The following UBAC2 variants were observed in gnomAD, a reference collection of about 807,000 sequenced individuals.
The protein encoded by UBAC2 is ubiquitin-associated domain-containing protein 2.
Under a neutral mutation model 44.0 loss-of-function variants are expected in UBAC2, and 26 were observed. The ratio of observed to expected loss-of-function variants is 0.59; its 90% CI spans 0.43 to 0.82. The LOEUF (loss-of-function observed/expected upper bound fraction) is 0.82. Among genes scored for constraint, UBAC2 ranks in the 40% least tolerant of loss-of-function variants. UBAC2 has a pLI of 0.00. For synonymous variants in UBAC2, 155 were observed against 154.3 expected (o/e 1.00, Z -0.04); for missense variants, 329 against 419.4 (o/e 0.78, Z 1.88).
intron 1 of UBAC2, among the ~76,000 whole-genome samples, chr13:99,216,078 ATATTTGTGTG>A (rs2042991109): frequency 1.2e-5 from 1 of 86,260 alleles, no homozygotes; most frequent in Admixed American, 1.3e-4. Context: ...GTACCAACCT[ATATTTGTGTG>A]TGTGTGTGTG....
intron 8 of UBAC2, among the ~76,000 whole-genome samples, chr13:99,384,201 C>T (rs2045588851): frequency 1.3e-5 from 2 of 152,128 alleles, no homozygotes; most frequent in Admixed American, 6.5e-5. Context: ...AAATTGGAAA[C>T]TCTGACTAAG....
intron 4 of UBAC2, among the ~76,000 whole-genome samples, chr13:99,301,883 G>A (rs1428802838): frequency 1.3e-5 from 2 of 152,162 alleles, no homozygotes; most frequent in Non-Finnish European, 2.9e-5. Flanking sequence ...GGTTTTTGCT[G>A]AAATGTCACC....
At chr13:99,335,833 C>T (rs1193783717) in intron 6 of UBAC2, among the ~76,000 whole-genome samples, 1 of 152,188 alleles carries the variant, frequency 6.6e-6, no homozygotes, top group Non-Finnish European at 1.5e-5. Flanking sequence ...GCCATAGCTT[C>T]ACCTTCCCTC....
intron 1 of UBAC2, among the ~76,000 whole-genome samples, chr13:99,236,544 A>G (rs772012318): frequency 4.6e-5 from 7 of 152,216 alleles, no homozygotes; most frequent in Non-Finnish European, 8.8e-5. Flanking sequence ...GCTTTTATCA[A>G]AAAGACAGGA....
intron 7 of UBAC2, among the ~76,000 whole-genome samples, chr13:99,349,851 A>C (rs1256926390): frequency 6.6e-6 from 1 of 152,170 alleles, no homozygotes; most frequent in Non-Finnish European, 1.5e-5. Context: ...CTGCGGGCAG[A>C]CTGGGATAAT....
chr13:99,321,685 C>G lies in UBAC2; in HGVS notation c.561+3616C>G, dbSNP rs115826969. 6.7e-3 allele frequency among the ~76,000 whole-genome samples: 1,016 copies of G among 152,234 alleles called. 16 individuals carry two copies. Among genetic ancestry groups the G allele is most frequent in the African/African-American group, 0.023 (971 of 41,526 alleles). ...TTTGAATATATAACTTTAAAATATT[C>G]CACTGATTAAAATAGAAGGTTGATA... On this transcript the variant is annotated intron_variant, in intron 6 of 8. Transcript: ENST00000403766.
chr13:99,355,574 C>T (rs922980225), intron 7 of UBAC2, among the ~76,000 whole-genome samples: 5 of 152,236 alleles, frequency 3.3e-5, no homozygotes, highest in Admixed American at 2.6e-4. Flanking sequence ...CCTCACAGAG[C>T]AGCCTTAGCA....
intron 1 of UBAC2, among the ~76,000 whole-genome samples, chr13:99,217,041 G>A (rs1265525912): frequency 6.6e-6 from 1 of 152,116 alleles, no homozygotes; most frequent in African/African-American, 2.4e-5. Context: ...ATGTTGGCCA[G>A]GCTGGTCTCG....
At chr13:99,307,624 A>G (rs1157419920) in intron 4 of UBAC2, among the ~76,000 whole-genome samples, 2 of 152,148 alleles carry the variant, frequency 1.3e-5, no homozygotes, top group Non-Finnish European at 2.9e-5. Context: ...TGAATTGTTG[A>G]TATCTGTGGA....
intron 6 of UBAC2, among the ~76,000 whole-genome samples, chr13:99,318,738 G>A (rs1485276267): frequency 1.3e-5 from 2 of 150,192 alleles, no homozygotes; most frequent in Non-Finnish European, 1.5e-5. Flanking sequence ...GGAGAATGGC[G>A]TGGAACCCGA....
At chr13:99,360,311 A>G (rs2045247957) in intron 7 of UBAC2, among the ~76,000 whole-genome samples, 1 of 152,246 alleles carries the variant, frequency 6.6e-6, no homozygotes. Context: ...GCTAAGCTGC[A>G]ATAAGCTTAT....
At chr13:99,233,802 G>A (rs180906682) in intron 1 of UBAC2, among the ~76,000 whole-genome samples, 2 of 152,080 alleles carry the variant, frequency 1.3e-5, no homozygotes. Flanking sequence ...CTTTTTCACG[G>A]TAAAAGGATG....
intron 1 of UBAC2, chr13:99,201,208 G>A: frequency 7.0e-7 from 1 of 1,426,214 alleles, no homozygotes; most frequent in South Asian, 1.6e-5. Flanking sequence ...GAGTCTCTTG[G>A]GGCCGCTGCA....
At chr13:99,209,803 A>C (rs183606012) in intron 1 of UBAC2, among the ~76,000 whole-genome samples, 1 of 152,160 alleles carries the variant, frequency 6.6e-6, no homozygotes, top group East Asian at 1.9e-4. Flanking sequence ...GTGAAACCCT[A>C]TCTCTACTAA....
At chr13:99,208,240 G>A (rs1261666922) in intron 1 of UBAC2, among the ~76,000 whole-genome samples, 1 of 152,022 alleles carries the variant, frequency 6.6e-6, no homozygotes, top group African/African-American at 2.4e-5. Flanking sequence ...CAGGTGATCC[G>A]CCCTCCTCTG....
chr13:99,213,429 C>T (rs188177997), intron 1 of UBAC2, among the ~76,000 whole-genome samples: 6 of 151,592 alleles, frequency 4.0e-5, no homozygotes, highest in African/African-American at 1.2e-4. Context: ...GGTGTGATCT[C>T]GGCTTACTGC....
rs1397584352 is a variant in UBAC2 at position 99,238,549 on chromosome 13, T to G, written c.154T>G (p.Phe52Val). The change falls in exon 2 of 9, where the codon TTC (phenylalanine) becomes GTC (valine). Residue 52 changes from phenylalanine (F) to valine (V), a missense_variant. Physicochemically the swap from Phe to Val is conservative, Grantham distance 50. Coordinates refer to ENST00000403766, the MANE Select transcript of UBAC2 (RefSeq NM_001144072.2). ...VYDLHAVKND[F>V]QIWRLICGRI... ...TGACCTTCACGCAGTCAAGAACGACTTCCAGGTAAGCTCTGCCTCATTGGC... is the reference window on the plus strand; with the variant it reads ...TGACCTTCACGCAGTCAAGAACGACGTCCAGGTAAGCTCTGCCTCATTGGC... 6.2e-7 allele frequency: 1 copy of G among 1,607,104 alleles called. No individual in the cohort carries two copies. The highest frequency in any genetic ancestry group is 8.5e-7 in the Non-Finnish European group (1 of 1,176,256).
At chr13:99,264,807 A>T (rs2043719431) in intron 4 of UBAC2, among the ~76,000 whole-genome samples, 1 of 152,152 alleles carries the variant, frequency 6.6e-6, no homozygotes, top group African/African-American at 2.4e-5. Context: ...AGGAGCTTGG[A>T]GGCTGCATGG....
chr13:99,323,380 C>T (rs1166442220), intron 6 of UBAC2, among the ~76,000 whole-genome samples: 1 of 152,134 alleles, frequency 6.6e-6, no homozygotes, highest in Non-Finnish European at 1.5e-5. Context: ...GCAGGTGGAT[C>T]GCTTGAGCCC....
Sources: allele counts gnomAD v4.1 joint callset (sites outside exome capture counted in the v4.1 genomes callset), GRCh38; gene constraint gnomAD v4.1.1; transcripts MANE v1.5; gene names NCBI Gene and HGNC (gene_info 2026-07-23, HGNC 2026-07-21).